The following SSH1 variants were observed in gnomAD, a reference collection of about 807,000 sequenced individuals.
SSH1 encodes the protein slingshot protein phosphatase 1, also known as protein phosphatase Slingshot homolog 1.
A neutral mutation model predicts 79.7 loss-of-function variants in SSH1; 43 were observed. The ratio of observed to expected loss-of-function variants is 0.54; its 90% CI spans 0.42 to 0.70. The LOEUF (loss-of-function observed/expected upper bound fraction) is 0.70. Ranked by LOEUF, SSH1 falls within the 30% of genes least tolerant of loss-of-function variation. The pLI is 0.00. For missense variants in SSH1, 1,206 were observed against 1,358.8 expected (o/e 0.89, Z 1.77); for synonymous variants, 599 against 538.3 (o/e 1.11, Z -1.56).
intron 5 of SSH1, among the ~76,000 whole-genome samples, chr12:108,813,694 C>A (rs1163766936): frequency 2.8e-5 from 3 of 105,534 alleles, no homozygotes; most frequent in South Asian, 3.3e-4. Context: ...GGTGACAGAG[C>A]GAGATCCTGT....
In SSH1 at chr12:108,845,298, G is replaced by A. The variant is rs140892981; in HGVS notation, c.110+7340C>T. ...GGGGTTCAGACAAGACCTCAGCCCCGGCCAGCAAGCCTTGTGAGTTCCCGA... is the reference window on the plus strand; with the variant it reads ...GGGGTTCAGACAAGACCTCAGCCCCAGCCAGCAAGCCTTGTGAGTTCCCGA... On this transcript the variant is annotated intron_variant, in intron 2 of 14. Coordinates refer to ENST00000326495, the MANE Select transcript of SSH1 (RefSeq NM_018984.4). Among the ~76,000 whole-genome samples, 1,334 of 151,972 alleles carry A rather than the reference G, an allele frequency of 8.8e-3. 5 individuals carry two copies. Among genetic ancestry groups the A allele is most frequent in the Non-Finnish European group, 0.015 (989 of 67,992 alleles).
chr12:108,852,643 G>T lies in SSH1; in HGVS notation c.105C>A (p.Asn35Lys). 1.2e-6 allele frequency: 2 copies of T among 1,614,128 alleles called. No homozygotes were observed. The highest frequency in any genetic ancestry group is 1.7e-6 in the Non-Finnish European group (2 of 1,180,016). The change falls in exon 2 of 15, where the codon AAC (asparagine) becomes AAA (lysine). Residue 35 changes from asparagine (N) to lysine (K), a missense_variant. By Grantham distance (94) the Asn-to-Lys change is moderately conservative. This residue lies in a region of SSH1 where 100 missense variants were observed against 82.3 expected (regional missense o/e 1.21). Coordinates refer to ENST00000326495, the MANE Select transcript of SSH1 (RefSeq NM_018984.4). ...AGAATTGAAAGTCTGCTTACCTGAGGTTTAATTTTCGATCTTCTTCGCTGC... is the reference window on the plus strand; with the variant it reads ...AGAATTGAAAGTCTGCTTACCTGAGTTTTAATTTTCGATCTTCTTCGCTGC... Reference protein sequence around the residue: ...EAGSEEDRKLNLSLSESFFMV... With the variant: ...EAGSEEDRKLKLSLSESFFMV...
chr12:108,788,654 C>G lies in SSH1; in HGVS notation c.2484G>C (p.Glu828Asp). The G allele has an allele frequency of 1.2e-6, 2 of 1,614,030 alleles. No individual in the cohort carries two copies. The highest frequency in any genetic ancestry group is 2.2e-5 in the South Asian group (2 of 91,080). Residue 828 changes from glutamate (E) to aspartate (D), a missense_variant, in exon 15 of 15, where the codon GAG becomes GAC. Around this residue, in one of 5 missense-constraint regions of SSH1, gnomAD observed 709 missense variants for 730.6 expected, o/e 0.97. Transcript: ENST00000326495. ...CAGGCACGCTCTTCAGCCGCTCTAGCTCTTTGGTGTGCTTGCGGACCAAGC... is the reference window on the plus strand; with the variant it reads ...CAGGCACGCTCTTCAGCCGCTCTAGGTCTTTGGTGTGCTTGCGGACCAAGC... ...KAGLVRKHTK[E>D]LERLKSVPAD...
intron 13 of SSH1, among the ~76,000 whole-genome samples, chr12:108,794,185 GAC>G (rs2036640588): frequency 6.6e-6 from 1 of 152,244 alleles, no homozygotes; most frequent in Non-Finnish European, 1.5e-5. Context: ...TCCAACACCA[GAC>G]TGATATCTCC....
In SSH1 at chr12:108,792,742, G is replaced by A; in HGVS notation, c.1437C>T (p.Phe479=). The A allele has an allele frequency of 1.9e-6, 3 of 1,613,922 alleles. No homozygotes were observed. Among genetic ancestry groups the A allele is most frequent in the Non-Finnish European group, 2.5e-6 (3 of 1,180,044 alleles). Reference sequence around the variant, plus strand: ...GGGTGCCATCTGGGGTCTCTGGCAAGAAGTCGCCAGGTCCTGCAGGGTCAT... The same window carrying A: ...GGGTGCCATCTGGGGTCTCTGGCAAAAAGTCGCCAGGTCCTGCAGGGTCAT... ...PVDDPAGPGD[F]LPETPDGTPE... The change falls in exon 14 of 15, where the codon TTC becomes TTT. Residue 479 remains phenylalanine, a synonymous_variant. Coordinates refer to ENST00000326495, the MANE Select transcript of SSH1 (RefSeq NM_018984.4).
At chr12:108,838,208 A>G (rs2038687152) in intron 2 of SSH1, among the ~76,000 whole-genome samples, 1 of 152,212 alleles carries the variant, frequency 6.6e-6, no homozygotes, top group African/African-American at 2.4e-5. Flanking sequence ...TGGTATGGGC[A>G]TATTTCATGA....
intron 5 of SSH1, among the ~76,000 whole-genome samples, chr12:108,815,951 G>A (rs1160184901): frequency 6.6e-6 from 1 of 152,194 alleles, no homozygotes; most frequent in East Asian, 1.9e-4. Flanking sequence ...ATGGGAACAA[G>A]ACAAGACCAT....
chr12:108,802,431 G>C, intron 10 of SSH1, 63 bp from the exon 11 acceptor site: 1 of 1,515,638 alleles, frequency 6.6e-7, no homozygotes, highest in Non-Finnish European at 9.2e-7. Flanking sequence ...CTGCTCAGGG[G>C]ATGCATGGTT....
At chr12:108,848,193 T>G (rs2044779452) in intron 2 of SSH1, among the ~76,000 whole-genome samples, 1 of 152,102 alleles carries the variant, frequency 6.6e-6, no homozygotes, top group Admixed American at 6.5e-5. Flanking sequence ...GTCTGAGGTG[T>G]TCCTCTGTGA....
intron 7 of SSH1, among the ~76,000 whole-genome samples, chr12:108,808,837 T>G (rs2037421817): frequency 7.0e-6 from 1 of 143,828 alleles, no homozygotes; most frequent in African/African-American, 2.6e-5. Flanking sequence ...TTTTTTTTTT[T>G]TTTTTTTTTT....
chr12:108,806,727 G>A (rs566816661), intron 8 of SSH1, among the ~76,000 whole-genome samples: 8 of 152,330 alleles, frequency 5.3e-5, no homozygotes, highest in South Asian at 2.1e-4. Flanking sequence ...GCTCGAACAC[G>A]TGTGGGCATG....
chr12:108,857,405 G>T lies in SSH1; in HGVS notation c.69+23C>A. ...GCGCGGCGTCCGGCGGCCCAGGCCGGGCGCGGCGAGCCCGGGGCTCACCTC... is the reference window on the plus strand; with the variant it reads ...GCGCGGCGTCCGGCGGCCCAGGCCGTGCGCGGCGAGCCCGGGGCTCACCTC... On this transcript the variant is annotated intron_variant, in intron 1 of 14. Transcript: ENST00000326495. This position sits in a 1 kb window ranked among gnomAD's most constrained non-coding sequence, Gnocchi z 4.7. 1 of 1,023,968 alleles carries T rather than the reference G, an allele frequency of 9.8e-7. No homozygotes were observed. The highest frequency in any genetic ancestry group is 3.5e-5 in the South Asian group (1 of 28,854). 63.4% of individuals were successfully genotyped at this position (1,023,968 alleles called of 1,614,324 possible).
intron 14 of SSH1, 133 bp downstream of exon 14, chr12:108,792,150 AGAG>A: frequency 2.0e-6 from 3 of 1,520,632 alleles, no homozygotes; most frequent in South Asian, 1.3e-5. Flanking sequence ...CTGGGGGCCC[AGAG>A]GAGACAATAG....
intron 14 of SSH1, chr12:108,791,942 GTTTTAA>G: frequency 1.5e-6 from 2 of 1,312,658 alleles, no homozygotes; most frequent in Non-Finnish European, 1.9e-6. Context: ...TAAATTATAT[GTTTTAA>G]TTTTACATAC....
chr12:108,789,237 G>C lies in SSH1; in HGVS notation c.1901C>G (p.Ala634Gly), dbSNP rs1403760937. Reference sequence around the variant, plus strand: ...CACTTTGTTAAGGATCCCAAATATAGCATCATCCTGCAAGGAAGGGGACAA... The same window carrying C: ...CACTTTGTTAAGGATCCCAAATATACCATCATCCTGCAAGGAAGGGGACAA... ...RSCPNGMEDD[A>G]IFGILNKVKP... The change falls in exon 15 of 15, where the codon GCT (alanine) becomes GGT (glycine). Residue 634 changes from alanine to glycine, a missense_variant. Ala to Gly is a moderately conservative substitution (Grantham distance 60). This residue lies in a region of SSH1 where 709 missense variants were observed against 730.6 expected (regional missense o/e 0.97). Coordinates refer to ENST00000326495, the MANE Select transcript of SSH1 (RefSeq NM_018984.4). The C allele has an allele frequency of 3.1e-6, 5 of 1,592,838 alleles. No individual in the cohort carries two copies. Among genetic ancestry groups the C allele is most frequent in the Non-Finnish European group, 3.4e-6 (4 of 1,169,002 alleles).
rs2036233925 is a variant in SSH1 at position 108,785,064 on chromosome 12, T to G, written c.*2924A>C. The stretch of plus-strand genomic sequence containing the variant: ...CCTTTTCACAGACAGCATGAATTCG[T>G]CTTTGCCCAGGTGTCCCGACACCTG... On this transcript the variant is annotated 3_prime_UTR_variant, in exon 15 of 15. Coordinates refer to ENST00000326495, the MANE Select transcript of SSH1 (RefSeq NM_018984.4). 6.6e-6 allele frequency: 1 copy of G among 152,236 alleles called. No individual in the cohort carries two copies. Among genetic ancestry groups the G allele is most frequent in the Non-Finnish European group, 1.5e-5 (1 of 68,058 alleles). The allele number at this position is 152,236 out of a possible 1,614,324, so 9.4% of individuals were successfully genotyped here.
Position 108,818,208 on chromosome 12 carries a change from A to T in SSH1, c.279+41T>A, listed in dbSNP as rs75291911. 2.3e-3 allele frequency: 3,449 copies of T among 1,530,264 alleles called. 67 individuals are homozygous for T. In the African/African-American group the frequency reaches 0.04, roughly 18 times the overall value. 94.8% of individuals were successfully genotyped at this position (1,530,264 alleles called of 1,614,324 possible). ...GCAAGACCCTCATCTCACAAAAATT[A>T]AAAAAAAATTTTTTAACTTGACATT... On this transcript the variant is annotated intron_variant, in intron 4 of 14. Transcript: ENST00000326495.
intron 2 of SSH1, among the ~76,000 whole-genome samples, chr12:108,835,574 CT>C (rs1361461572): frequency 6.6e-6 from 1 of 152,166 alleles, no homozygotes; most frequent in Non-Finnish European, 1.5e-5. Context: ...TAGGCACTGG[CT>C]TTCAGCTGAA....
chr12:108,812,371 C>G (rs1422176831), intron 5 of SSH1, among the ~76,000 whole-genome samples: 2 of 152,262 alleles, frequency 1.3e-5, no homozygotes, highest in Non-Finnish European at 2.9e-5. Flanking sequence ...ATCCGACAGG[C>G]AGAAGCCAGG....
Sources: gnomAD v4.1 joint callset for allele counts (sites outside exome capture counted in the v4.1 genomes callset) on GRCh38, gnomAD v4.1.1 for gene constraint, gnomAD v4.1.1 regional missense constraint, Gnocchi (gnomAD v3.1) non-coding constraint, MANE v1.5 for transcripts, NCBI Gene and HGNC (gene_info 2026-07-23, HGNC 2026-07-21) for gene names.